Variants in C1orf21 observed in about 807,000 individuals in gnomAD.
C1orf21 encodes chromosome 1 open reading frame 21.
C1orf21 carries 3 observed loss-of-function variants against 18.7 expected under a neutral mutation model. The ratio of observed to expected loss-of-function variants is 0.16; its 90% CI spans 0.07 to 0.42. The LOEUF (loss-of-function observed/expected upper bound fraction) is 0.42, where lower values mean the gene tolerates loss of function less well. Ranked by LOEUF, C1orf21 falls within the 10% of genes least tolerant of loss-of-function variation. C1orf21 has a pLI of 0.99. For missense variants in C1orf21, 104 were observed against 143.6 expected, an observed-to-expected ratio of 0.72 and a Z score of 1.41; for synonymous variants, 41 against 46.4, an observed-to-expected ratio of 0.88 and a Z score of 0.47.
intron 1 of C1orf21, among the ~76,000 whole-genome samples, chr1:184,450,257 C>G (rs894932644): frequency 6.6e-6 from 1 of 152,118 alleles, no homozygotes; most frequent in Non-Finnish European, 1.5e-5. Context: ...CGCCACCACA[C>G]TGAATGCAGG....
intron 1 of C1orf21, among the ~76,000 whole-genome samples, chr1:184,471,823 C>T (rs999135577): frequency 3.9e-5 from 6 of 152,030 alleles, no homozygotes; most frequent in South Asian, 4.1e-4. Flanking sequence ...AGCATATTGT[C>T]GATTGTCATG....
intron 3 of C1orf21, among the ~76,000 whole-genome samples, chr1:184,542,313 T>C (rs1658665794): frequency 6.6e-6 from 1 of 152,176 alleles, no homozygotes; most frequent in African/African-American, 2.4e-5. Context: ...GTTTTTCGTA[T>C]CCTTATTTTA....
chr1:184,441,026 A>G (rs1233506436), intron 1 of C1orf21, among the ~76,000 whole-genome samples: 1 of 152,206 alleles, frequency 6.6e-6, no homozygotes, highest in Non-Finnish European at 1.5e-5. Context: ...GTAAACTGAA[A>G]TTCTACCTAC....
intron 3 of C1orf21, among the ~76,000 whole-genome samples, chr1:184,531,674 T>A (rs542588911): frequency 6.6e-6 from 1 of 152,306 alleles, no homozygotes; most frequent in East Asian, 1.9e-4. Context: ...TTTCTTATAC[T>A]TCCTCTCCAA....
At chr1:184,602,986 C>T (rs1282431077) in intron 5 of C1orf21, among the ~76,000 whole-genome samples, 1 of 152,190 alleles carries the variant, frequency 6.6e-6, no homozygotes, top group Non-Finnish European at 1.5e-5. Context: ...CTTTGTTGGG[C>T]CTTGTACATC....
At chr1:184,549,301 A>G (rs965473552) in intron 3 of C1orf21, among the ~76,000 whole-genome samples, 3 of 152,224 alleles carry the variant, frequency 2.0e-5, no homozygotes, top group Non-Finnish European at 2.9e-5. Context: ...CTCTGGTTAC[A>G]TTAAAAAGTG....
intron 3 of C1orf21, among the ~76,000 whole-genome samples, chr1:184,568,202 A>C (rs1034445475): frequency 2.0e-5 from 3 of 152,206 alleles, no homozygotes; most frequent in African/African-American, 4.8e-5. Context: ...TACACACACA[A>C]AAAATTGTGG....
At chr1:184,528,673 G>T (rs935391802) in intron 3 of C1orf21, among the ~76,000 whole-genome samples, 6 of 152,056 alleles carry the variant, frequency 3.9e-5, no homozygotes, top group Admixed American at 6.6e-5. Context: ...TCGAACTCCT[G>T]ACCTCAGGTG....
intron 2 of C1orf21, among the ~76,000 whole-genome samples, chr1:184,491,070 G>A (rs1657809813): frequency 6.6e-6 from 1 of 152,080 alleles, no homozygotes; most frequent in South Asian, 2.1e-4. Flanking sequence ...TACCTCATAA[G>A]ATGCTATGAG....
chr1:184,529,130 A>C (rs946854029), intron 3 of C1orf21, among the ~76,000 whole-genome samples: 1 of 152,178 alleles, frequency 6.6e-6, no homozygotes, highest in Non-Finnish European at 1.5e-5. Context: ...TGATACCTCA[A>C]GGCCATTTTA....
At chr1:184,556,225 G>A (rs1284940507) in intron 3 of C1orf21, among the ~76,000 whole-genome samples, 8 of 152,206 alleles carry the variant, frequency 5.3e-5, no homozygotes, top group Admixed American at 2.0e-4. Flanking sequence ...GGGTGGGTCA[G>A]TAGCAGAGGA....
intron 1 of C1orf21, among the ~76,000 whole-genome samples, chr1:184,460,252 C>T (rs985118395): frequency 2.0e-5 from 3 of 152,116 alleles, no homozygotes; most frequent in African/African-American, 7.2e-5. Flanking sequence ...TTCAGTAAAT[C>T]CCCCAAATCC....
chr1:184,579,757 C>T (rs1659251382), intron 3 of C1orf21, among the ~76,000 whole-genome samples: 1 of 152,110 alleles, frequency 6.6e-6, no homozygotes, highest in Admixed American at 6.5e-5. Context: ...GATCCACCCT[C>T]CTCGGCCTGT....
chr1:184,459,174 G>A (rs902426371), intron 1 of C1orf21, among the ~76,000 whole-genome samples: 1 of 152,098 alleles, frequency 6.6e-6, no homozygotes, highest in African/African-American at 2.4e-5. Context: ...ATCTTTACTA[G>A]AAGAATAAAA....
intron 1 of C1orf21, among the ~76,000 whole-genome samples, chr1:184,438,596 G>C (rs956402296): frequency 1.3e-5 from 2 of 152,194 alleles, no homozygotes; most frequent in African/African-American, 2.4e-5. Context: ...GAGGTCTGGG[G>C]CTGGGCCAGT....
intron 3 of C1orf21, among the ~76,000 whole-genome samples, chr1:184,547,792 C>T (rs1225494913): frequency 4.6e-5 from 7 of 152,048 alleles, no homozygotes; most frequent in Admixed American, 1.3e-4. Flanking sequence ...GAGTATGCTC[C>T]TCTCTAGAAA....
chr1:184,516,469 T>C (rs1658230290), intron 3 of C1orf21, among the ~76,000 whole-genome samples: 1 of 152,190 alleles, frequency 6.6e-6, no homozygotes, highest in South Asian at 2.1e-4. Context: ...GATTAGTCCA[T>C]TTTCATGCTG....
intron 2 of C1orf21, among the ~76,000 whole-genome samples, chr1:184,490,191 C>T (rs768304286): frequency 9.2e-5 from 14 of 152,290 alleles, no homozygotes; most frequent in Non-Finnish European, 1.6e-4. Context: ...AAGAAGCACT[C>T]GTTGACTACC....
intron 3 of C1orf21, among the ~76,000 whole-genome samples, chr1:184,532,643 A>C (rs1041114192): frequency 2.6e-5 from 4 of 152,318 alleles, no homozygotes; most frequent in South Asian, 2.1e-4. Context: ...GCTACTCAGG[A>C]GGCTGAAGCA....
Sources: allele counts gnomAD v4.1 joint callset (sites outside exome capture counted in the v4.1 genomes callset), GRCh38; gene constraint gnomAD v4.1.1; transcripts MANE v1.5; gene names NCBI Gene and HGNC (gene_info 2026-07-23, HGNC 2026-07-21).